RPSA2: variants seen among roughly 807,000 people sequenced by gnomAD.
RPSA2 encodes small ribosomal subunit protein uS2B.
At chr19:23,836,386 C>CACACCCCACAT in the RPSA2 span, among the ~76,000 whole-genome samples, 1 of 152,020 alleles carries the variant, frequency 6.6e-6, no homozygotes, top group Non-Finnish European at 1.5e-5. Context: ...CACACACACA[C>CACACCCCACAT]ACACCCCACA....
the RPSA2 span, among the ~76,000 whole-genome samples, chr19:23,857,993 C>CT: frequency 3.4e-4 from 51 of 151,536 alleles, no homozygotes; most frequent in South Asian, 1.0e-3. Context: ...CTGGAGAAAG[C>CT]TTTTTTTTAA....
At chr19:23,774,389 CAT>C in the RPSA2 span, among the ~76,000 whole-genome samples, 1 of 152,202 alleles carries the variant, frequency 6.6e-6, no homozygotes, top group Non-Finnish European at 1.5e-5. Flanking sequence ...GGAGTTGTGA[CAT>C]ATCACTTGGC....
chr19:23,846,536 C>T, the RPSA2 span, among the ~76,000 whole-genome samples: 1 of 152,090 alleles, frequency 6.6e-6, no homozygotes, highest in Non-Finnish European at 1.5e-5. Flanking sequence ...CCTGGAACAT[C>T]TTTTGTAGGC....
At chr19:23,808,665 T>C in the RPSA2 span, 2 of 503,792 alleles carry the variant, frequency 4.0e-6, no homozygotes, top group Non-Finnish European at 7.7e-6. Context: ...CATTACTAAG[T>C]TGGTAATTGG....
At chr19:23,840,976 A>C in the RPSA2 span, among the ~76,000 whole-genome samples, 1 of 151,626 alleles carries the variant, frequency 6.6e-6, no homozygotes, top group African/African-American at 2.4e-5. Flanking sequence ...AAAAAAAAAA[A>C]AAAAAAAAAA....
chr19:23,844,178 G>T, the RPSA2 span, among the ~76,000 whole-genome samples: 151 of 152,056 alleles, frequency 9.9e-4, no homozygotes, highest in African/African-American at 3.2e-3. Context: ...TATATCTATT[G>T]GTCATTTGTA....
At chr19:23,801,992 T>C in the RPSA2 span, among the ~76,000 whole-genome samples, 1 of 152,202 alleles carries the variant, frequency 6.6e-6, no homozygotes, top group Non-Finnish European at 1.5e-5. Context: ...GTGATGTTGA[T>C]TTTATCTAGA....
At chr19:23,808,855 C>A in the RPSA2 span, 1 of 516,090 alleles carries the variant, frequency 1.9e-6, no homozygotes, top group South Asian at 2.1e-5. Flanking sequence ...GGATGAGAGG[C>A]CCAAATCAAG....
chr19:23,793,679 C>T, the RPSA2 span, among the ~76,000 whole-genome samples: 1 of 151,978 alleles, frequency 6.6e-6, no homozygotes, highest in Admixed American at 6.6e-5. Context: ...TCTTCTGTCT[C>T]AGCTTCCTGA....
At chr19:23,769,700 C>T in the RPSA2 span, among the ~76,000 whole-genome samples, 2 of 151,992 alleles carry the variant, frequency 1.3e-5, no homozygotes, top group South Asian at 2.1e-4. Context: ...ATTGCTGGGC[C>T]CAAAATCTAG....
chr19:23,808,432 A>G, the RPSA2 span, among the ~76,000 whole-genome samples: 33 of 151,986 alleles, frequency 2.2e-4, 1 homozygote, highest in South Asian at 6.3e-4. Context: ...ATGCCCAGCT[A>G]ATTTTTGTAT....
the RPSA2 span, among the ~76,000 whole-genome samples, chr19:23,854,098 T>TA: frequency 2.1e-3 from 316 of 152,250 alleles, 3 homozygotes; most frequent in African/African-American, 6.7e-3. Flanking sequence ...TATTAGGTAG[T>TA]AAAAGTAATT....
the RPSA2 span, among the ~76,000 whole-genome samples, chr19:23,830,823 G>T: frequency 6.6e-6 from 1 of 150,842 alleles, no homozygotes; most frequent in African/African-American, 2.4e-5. Context: ...GGATCATATT[G>T]CCCTATTTTG....
At chr19:23,810,394 CAAAA>C in the RPSA2 span, among the ~76,000 whole-genome samples, 4 of 13,060 alleles carry the variant, frequency 3.1e-4, no homozygotes, top group South Asian at 6.2e-3. Flanking sequence ...ACTCCCTCTC[CAAAA>C]AAAAAAAAAA....
At chr19:23,862,401 C>T in the RPSA2 span, among the ~76,000 whole-genome samples, 1 of 151,656 alleles carries the variant, frequency 6.6e-6, no homozygotes, top group East Asian at 1.9e-4. Context: ...CTGGCCAGAA[C>T]TTCCAACACT....
At chr19:23,806,005 ATCT>A in the RPSA2 span, among the ~76,000 whole-genome samples, 6 of 146,888 alleles carry the variant, frequency 4.1e-5, no homozygotes, top group African/African-American at 1.0e-4. Flanking sequence ...CTGTCTGTCT[ATCT>A]ATCTATCTAT....
At chr19:23,823,316 C>T in the RPSA2 span, among the ~76,000 whole-genome samples, 35 of 152,142 alleles carry the variant, frequency 2.3e-4, no homozygotes, top group Admixed American at 5.2e-4. Flanking sequence ...TAAACCATCC[C>T]CCTTGCAGGA....
the RPSA2 span, among the ~76,000 whole-genome samples, chr19:23,861,922 T>A: frequency 6.6e-6 from 1 of 152,116 alleles, no homozygotes; most frequent in South Asian, 2.1e-4. Flanking sequence ...GTTTGTTTGG[T>A]GAGCGGATCA....
At chr19:23,808,152 T>C in the RPSA2 span, among the ~76,000 whole-genome samples, 6 of 152,184 alleles carry the variant, frequency 3.9e-5, no homozygotes, top group African/African-American at 7.2e-5. Context: ...CTTTAGATTA[T>C]TGGTAATTTC....
Sources: gnomAD v4.1 joint callset for allele counts (sites outside exome capture counted in the v4.1 genomes callset) on GRCh38, gnomAD v4.1.1 for gene constraint, MANE v1.5 for transcripts, NCBI Gene and HGNC (gene_info 2026-07-23, HGNC 2026-07-21) for gene names.